Variants in CALM2 observed in about 807,000 individuals in gnomAD.
The protein encoded by CALM2 is calmodulin-2.
A neutral mutation model predicts 19.8 loss-of-function variants in CALM2; 2 were observed. The observed-to-expected ratio is 0.10, with a 90% CI of 0.04 to 0.32. CALM2 has a LOEUF of 0.32. Among genes scored for constraint, CALM2 ranks in the 10% least tolerant of loss-of-function variants. CALM2 has a pLI of 1.00. For synonymous variants in CALM2, 51 were observed against 52.1 expected, an observed-to-expected ratio of 0.98 and a Z score of 0.09; for missense variants, 38 against 178.7, an observed-to-expected ratio of 0.21 and a Z score of 4.49.
rs114492198 is a variant in CALM2 at position 47,169,976 on chromosome 2, C to T, written c.34+758G>A. The stretch of plus-strand genomic sequence containing the variant: ...TCAACACTACAATAAAAAAAAAAAA[C>T]AACTCCGGCAAGGGGGGAAAAAAAA... On this transcript the variant is annotated intron_variant, in intron 2 of 5. Transcript: ENST00000272298. Among the ~76,000 whole-genome samples, 3,611 of 124,478 alleles carry T rather than the reference C, an allele frequency of 0.029. 369 individuals carry two copies. The East Asian group carries it at 0.38, about 13-fold the overall frequency. 81.7% of individuals were successfully genotyped at this position (124,478 alleles called of 152,430 possible).
chr2:47,176,164 C>T, intron 1 of CALM2: 1 of 501,584 alleles, frequency 2.0e-6, no homozygotes, highest in South Asian at 3.0e-5. Flanking sequence ...TCATCCCGGA[C>T]CCATCCTCCT....
intron 2 of CALM2, among the ~76,000 whole-genome samples, chr2:47,168,005 G>A (rs1172091525): frequency 2.0e-5 from 3 of 151,794 alleles, no homozygotes; most frequent in Non-Finnish European, 4.4e-5. Flanking sequence ...TACCAAATTT[G>A]GGAGGAAGGG....
At chr2:47,162,729 T>C in intron 2 of CALM2, 67 bp from the exon 3 acceptor site, 6 of 1,305,324 alleles carry the variant, frequency 4.6e-6, no homozygotes, top group Non-Finnish European at 5.3e-6. Context: ...AAATGAAACG[T>C]ATTAACTCTT....
intron 2 of CALM2, among the ~76,000 whole-genome samples, chr2:47,167,930 C>T (rs1666541619): frequency 6.7e-6 from 1 of 150,326 alleles, no homozygotes; most frequent in African/African-American, 2.5e-5. Flanking sequence ...CCATGCCCAG[C>T]CACCAACAAT....
chr2:47,167,298 G>A (rs956079851), intron 2 of CALM2, among the ~76,000 whole-genome samples: 6 of 152,094 alleles, frequency 3.9e-5, no homozygotes, highest in African/African-American at 1.2e-4. Context: ...TCTTCCAAAA[G>A]TCAAACAGCA....
At chr2:47,172,339 T>C (rs1217056031) in intron 1 of CALM2, 1 of 449,294 alleles carries the variant, frequency 2.2e-6, no homozygotes, top group Non-Finnish European at 4.5e-6. Flanking sequence ...TGCCATTTAA[T>C]AGCTGTGTGA....
intron 5 of CALM2, among the ~76,000 whole-genome samples, chr2:47,161,317 C>T (rs547743230): frequency 2.6e-5 from 4 of 152,034 alleles, no homozygotes; most frequent in Non-Finnish European, 4.4e-5. Context: ...AGACTAAAGC[C>T]AATTAAAGAA....
rs141583501 is a variant in CALM2, at chr2:47,167,551, G to A, written c.34+3183C>T. The A allele has an allele frequency of 7.9e-3, 1,455 of 184,904 alleles. 20 individuals carry two copies. Among genetic ancestry groups the A allele is most frequent in the African/African-American group, 0.033 (1,391 of 41,760 alleles). 11.5% of individuals were successfully genotyped at this position (184,904 alleles called of 1,614,324 possible). On this transcript the variant is annotated intron_variant, in intron 2 of 5. Transcript: ENST00000272298. ...TCTCCTAAAAATACAAAAACTAGCC[G>A]GGTGTGGTGGTGCACGCCTGTAATC... is the stretch of plus-strand genomic sequence containing the variant.
chr2:47,172,530 G>A, intron 1 of CALM2: 1 of 1,167,288 alleles, frequency 8.6e-7, no homozygotes, highest in Non-Finnish European at 1.1e-6. Flanking sequence ...ATATCAACCT[G>A]ACTAGCTCAA....
chr2:47,176,100 G>A (rs907821816), intron 1 of CALM2: 18 of 333,532 alleles, frequency 5.4e-5, no homozygotes, highest in Non-Finnish European at 8.7e-5. Flanking sequence ...GGCTCTCTAC[G>A]CTCCCTCTCT....
At chr2:47,166,069 T>C (rs1421594143) in intron 2 of CALM2, among the ~76,000 whole-genome samples, 3 of 152,178 alleles carry the variant, frequency 2.0e-5, no homozygotes, top group Non-Finnish European at 4.4e-5. Flanking sequence ...CATACCACAC[T>C]AATTGATTTT....
intron 2 of CALM2, among the ~76,000 whole-genome samples, chr2:47,164,474 G>A (rs1666391873): frequency 1.3e-5 from 2 of 151,120 alleles, no homozygotes; most frequent in South Asian, 4.2e-4. Flanking sequence ...GCGTGCGCCT[G>A]TAGTCCCAGC....
At chr2:47,169,806 T>A (rs574224527) in intron 2 of CALM2, among the ~76,000 whole-genome samples, 1 of 152,246 alleles carries the variant, frequency 6.6e-6, no homozygotes, top group South Asian at 2.1e-4. Context: ...CTCAGTTTTC[T>A]CCAGCCTAAG....
intron 2 of CALM2, among the ~76,000 whole-genome samples, chr2:47,166,719 A>C (rs1666486547): frequency 6.6e-6 from 1 of 152,206 alleles, no homozygotes; most frequent in African/African-American, 2.4e-5. Context: ...CTTCAGAACT[A>C]GCGTAATCTT....
upstream of CALM2, chr2:47,176,758 AG>A: frequency 2.0e-6 from 2 of 985,386 alleles, no homozygotes; most frequent in Non-Finnish European, 2.4e-6. Flanking sequence ...GCGGCCCCTG[AG>A]GGGCGCTACT....
chr2:47,160,849 CCAAAAA>C, intron 5 of CALM2, 45 bp from the exon 6 acceptor site: 5 of 342,428 alleles, frequency 1.5e-5, no homozygotes, highest in South Asian at 1.3e-4. Flanking sequence ...TAGCAAAAGA[CCAAAAA>C]AAAAAAAAAA....
chr2:47,168,194 T>TA (rs1180424442), intron 2 of CALM2, among the ~76,000 whole-genome samples: 1 of 152,118 alleles, frequency 6.6e-6, no homozygotes, highest in East Asian at 1.9e-4. Context: ...TTTAGTAGCA[T>TA]AGAAGTTTTG....
chr2:47,162,478 CT>C, intron 3 of CALM2, 40 bp downstream of exon 3: 1 of 1,613,180 alleles, frequency 6.2e-7, no homozygotes, highest in Non-Finnish European at 8.5e-7. Context: ...CTAAGTATCA[CT>C]TCTTCAACCC....
intron 2 of CALM2, among the ~76,000 whole-genome samples, chr2:47,165,660 T>G (rs1666441380): frequency 6.6e-6 from 1 of 152,214 alleles, no homozygotes; most frequent in African/African-American, 2.4e-5. Flanking sequence ...TTCCACTCCT[T>G]GGCCACTTCA....
Sources: gnomAD v4.1 joint callset for allele counts (sites outside exome capture counted in the v4.1 genomes callset) on GRCh38, gnomAD v4.1.1 for gene constraint, MANE v1.5 for transcripts, NCBI Gene and HGNC (gene_info 2026-07-23, HGNC 2026-07-21) for gene names.